Variants in PTPN23 observed in about 807,000 individuals in gnomAD.
The protein encoded by PTPN23 is tyrosine-protein phosphatase non-receptor type 23.
PTPN23 carries 72 observed loss-of-function variants against 156.3 expected under a neutral mutation model. The ratio of observed to expected loss-of-function variants is 0.46; its 90% CI spans 0.38 to 0.56. The LOEUF (loss-of-function observed/expected upper bound fraction) is 0.56. Among genes scored for constraint, PTPN23 ranks in the 20% least tolerant of loss-of-function variants. The pLI is 0.00. For synonymous variants in PTPN23, 957 were observed against 899.6 expected (o/e 1.06, Z -1.14); for missense variants, 1,974 against 2,171.5 (o/e 0.91, Z 1.81).
Position 47,409,530 on chromosome 3 carries a change from C to G in PTPN23, c.1911C>G (p.Tyr637Ter). ...LCALTEANVQ[Y>*]AAVRRVLSDL... ...CACTGACAGAGGCCAACGTGCAGTA[C>G]GCAGCCGTGCGGCGGGTACTCAGCG... is the stretch of plus-strand genomic sequence containing the variant. The change falls in exon 18 of 25, where the codon TAC (tyrosine) becomes TAG (stop). Residue 637 changes from tyrosine (Y) to a stop codon, truncating the protein, a stop_gained. Transcript: ENST00000265562. LOFTEE classifies it high-confidence loss of function. 1 of 1,614,024 alleles carries G rather than the reference C, an allele frequency of 6.2e-7. No individual in the cohort carries two copies.
At position 47,410,355 on chromosome 3, in the gene PTPN23, C is replaced by CCGGCCCCACCAGTTGCAGGTCTCCCCT. The variant is rs779096974; in HGVS notation, c.2568_2594dup (p.Val857_Pro865dup). On this transcript the variant is annotated inframe_insertion, in exon 20 of 25. Coordinates refer to ENST00000265562, the MANE Select transcript of PTPN23 (RefSeq NM_015466.4). ...GAGCAGTCCCTATGTGGGGGTAGGG[C>CCGGCCCCACCAGTTGCAGGTCTCCCCT]CGGCCCCACCAGTTGCAGGTCTCCC... The CCGGCCCCACCAGTTGCAGGTCTCCCCT allele has an allele frequency of 3.1e-6, 5 of 1,608,232 alleles. No homozygotes were observed. The highest frequency in any genetic ancestry group is 3.4e-5 in the Admixed American group (2 of 59,364).
chr3:47,405,714 C>T lies in PTPN23; in HGVS notation c.365-35C>T. ...CTCACCTTCACATGGGTGTGAGCAG[C>T]CCCAGGCCCCTAACACTGTCCCCTC... On this transcript the variant is annotated intron_variant, in intron 4 of 24. Transcript: ENST00000265562. The surrounding 1 kb of genome is among the most constrained non-coding windows in gnomAD (Gnocchi z 4.7). 1 of 1,587,530 alleles carries T rather than the reference C, an allele frequency of 6.3e-7. No homozygotes were observed. The highest frequency in any genetic ancestry group is 8.6e-7 in the Non-Finnish European group (1 of 1,166,746).
chr3:47,382,549 G>T (rs1704565896), intron 1 of PTPN23, among the ~76,000 whole-genome samples: 1 of 151,826 alleles, frequency 6.6e-6, no homozygotes. Context: ...TCGAACTCCT[G>T]ACATCAGGTG....
chr3:47,410,054 G>A lies in PTPN23; in HGVS notation c.2256G>A (p.Met752Ile), dbSNP rs1177118675. 1 of 1,611,450 alleles carries A rather than the reference G, an allele frequency of 6.2e-7. No homozygotes were observed. The highest frequency in any genetic ancestry group is 8.5e-7 in the Non-Finnish European group (1 of 1,179,070). The change falls in exon 20 of 25, where the codon ATG (methionine) becomes ATA (isoleucine). Residue 752 changes from methionine to isoleucine, a missense_variant. By Grantham distance (10) the Met-to-Ile change is conservative (BLOSUM62 1). This residue lies in a region of PTPN23 where 731 missense variants were observed against 669.1 expected (regional missense o/e 1.09). Coordinates refer to ENST00000265562, the MANE Select transcript of PTPN23 (RefSeq NM_015466.4). ...PEELRSLPPD[M>I]VAGPRLPDTF... ...AGCTGCGCAGCCTCCCCCCTGACAT[G>A]GTGGCTGGCCCACGACTGCCTGACA...
intron 2 of PTPN23, among the ~76,000 whole-genome samples, chr3:47,398,615 G>A (rs1704928906): frequency 6.6e-6 from 1 of 151,352 alleles, no homozygotes; most frequent in Non-Finnish European, 1.5e-5. Flanking sequence ...GTCCAGGCAG[G>A]AGTGCAGTGG....
Position 47,381,281 on chromosome 3 carries a change from C to A in PTPN23, c.84+101C>A. The stretch of plus-strand genomic sequence containing the variant: ...CGCCCATCACCTCCTCAGGCCCGGT[C>A]GCAGGGTCCGGTGAGGCCAGGAGGG... On this transcript the variant is annotated intron_variant, in intron 1 of 24. Coordinates refer to ENST00000265562, the MANE Select transcript of PTPN23 (RefSeq NM_015466.4). 6 of 1,485,538 alleles carry A rather than the reference C, an allele frequency of 4.0e-6. No homozygotes were observed. In the South Asian group the frequency reaches 5.1e-5, roughly 13 times the overall value. The allele number at this position is 1,485,538 out of a possible 1,614,324, so 92.0% of individuals were successfully genotyped here. A position where few individuals can be genotyped will look rare whatever the true frequency, so the allele number is the denominator to read the frequency against.
chr3:47,396,290 T>A, intron 2 of PTPN23, 73 bp downstream of exon 2: 1 of 1,310,134 alleles, frequency 7.6e-7, no homozygotes, highest in Non-Finnish European at 1.1e-6. Flanking sequence ...AGAAACTGCC[T>A]AGGCTGGGCA....
chr3:47,401,736 A>G (rs1193273779), intron 2 of PTPN23, among the ~76,000 whole-genome samples: 1 of 152,152 alleles, frequency 6.6e-6, no homozygotes, highest in East Asian at 1.9e-4. Flanking sequence ...GCATTGGCCT[A>G]ATGCTGTGAG....
Position 47,409,506 on chromosome 3 carries a change from A to G in PTPN23, c.1887A>G (p.Ala629=). 1 of 1,614,094 alleles carries G rather than the reference A, an allele frequency of 6.2e-7. No homozygotes were observed. The change falls in exon 18 of 25, where the codon GCA becomes GCG. Residue 629 remains alanine, a synonymous_variant. Coordinates refer to ENST00000265562, the MANE Select transcript of PTPN23 (RefSeq NM_015466.4). ...CCGCCCAGGACCGTGTCCTCTGTGC[A>G]CTGACAGAGGCCAACGTGCAGTACG... ...NLAAQDRVLC[A]LTEANVQYAA...
chr3:47,406,280 G>A lies in PTPN23; in HGVS notation c.547-45G>A. 1 of 1,604,300 alleles carries A rather than the reference G, an allele frequency of 6.2e-7. No individual in the cohort carries two copies. Among genetic ancestry groups the A allele is most frequent in the Non-Finnish European group, 8.5e-7 (1 of 1,172,952 alleles). ...GAAGGATAAAGGGAAGGGGAAGCGG[G>A]AGGCCTTGGGTGAGCGAGGGAGTGC... On this transcript the variant is annotated intron_variant, in intron 6 of 24. Coordinates refer to ENST00000265562, the MANE Select transcript of PTPN23 (RefSeq NM_015466.4). The surrounding 1 kb of genome is among the most constrained non-coding windows in gnomAD (Gnocchi z 5.8).
At position 47,411,185 on chromosome 3, in the gene PTPN23, C is replaced by A; in HGVS notation, c.3387C>A (p.Gly1129=). ...LLSSSPESQH[G]GTQSPGGGQP... ...CCTCCAGCCCGGAGAGCCAGCATGG[C>A]GGCACTCAGTCTCCTGGGGGTGGGC... Residue 1129 remains glycine, a synonymous_variant, in exon 20 of 25, where the codon GGC becomes GGA. Transcript: ENST00000265562. This position sits in a 1 kb window ranked among gnomAD's most constrained non-coding sequence, Gnocchi z 6.3. 1 of 1,602,730 alleles carries A rather than the reference C, an allele frequency of 6.2e-7. No homozygotes were observed.
rs149421994 is a variant in PTPN23 at position 47,409,300 on chromosome 3, G to C, written c.1780G>C (p.Asp594His). Residue 594 changes from aspartate (D) to histidine (H), a missense_variant, in exon 17 of 25, where the codon GAC (aspartate) becomes CAC (histidine). Transcript: ENST00000265562. ...CATCACTGCCTCGCTGGTCACCACAGACCACTCAGAGATGAAGGTGGGCTG... is the reference window on the plus strand; with the variant it reads ...CATCACTGCCTCGCTGGTCACCACACACCACTCAGAGATGAAGGTGGGCTG... ...DDITASLVTT[D>H]HSEMKKLFEE... 4 of 1,613,950 alleles carry C rather than the reference G, an allele frequency of 2.5e-6. No individual in the cohort carries two copies. In the African/African-American group the frequency reaches 5.3e-5, roughly 22 times the overall value.
At chr3:47,391,706 G>A (rs1247477899) in intron 1 of PTPN23, among the ~76,000 whole-genome samples, 1 of 152,122 alleles carries the variant, frequency 6.6e-6, no homozygotes, top group African/African-American at 2.4e-5. Context: ...GGATGTAGGA[G>A]TCTCCTGTCC....
At position 47,413,271 on chromosome 3, in the gene PTPN23, A is replaced by G; in HGVS notation, c.*86A>G. The G allele has an allele frequency of 6.7e-7, 1 of 1,503,474 alleles. No individual in the cohort carries two copies. The highest frequency in any genetic ancestry group is 2.3e-5 in the East Asian group (1 of 43,972). 93.1% of individuals were successfully genotyped at this position (1,503,474 alleles called of 1,614,324 possible). On this transcript the variant is annotated 3_prime_UTR_variant, in exon 25 of 25. Coordinates refer to ENST00000265562, the MANE Select transcript of PTPN23 (RefSeq NM_015466.4). ...CACCCAGCAGAGCTTCTCAGTGGGCACAGTCTCTTACTCCCATTTCTGCTG... is the reference window on the plus strand; with the variant it reads ...CACCCAGCAGAGCTTCTCAGTGGGCGCAGTCTCTTACTCCCATTTCTGCTG...
chr3:47,405,762 C>A lies in PTPN23; in HGVS notation c.378C>A (p.Ser126=). 6.3e-7 allele frequency: 1 copy of A among 1,597,318 alleles called. No individual in the cohort carries two copies. The highest frequency in any genetic ancestry group is 8.5e-7 in the Non-Finnish European group (1 of 1,172,592). ...CILYNLGALH[S]MLGAMDKRVS... is the part of the protein sequence containing the mutation. ...CTCCCTCCCCAGGAGCGCTGCACTC[C>A]ATGCTGGGGGCCATGGACAAGCGGG... is the stretch of plus-strand genomic sequence containing the variant. Residue 126 remains serine (S), a synonymous_variant, in exon 5 of 25, where the codon TCC becomes TCA. Coordinates refer to ENST00000265562, the MANE Select transcript of PTPN23 (RefSeq NM_015466.4). The surrounding 1 kb of genome is among the most constrained non-coding windows in gnomAD (Gnocchi z 4.7).
intron 2 of PTPN23, among the ~76,000 whole-genome samples, chr3:47,397,273 A>G (rs1309382851): frequency 1.3e-5 from 2 of 152,250 alleles, no homozygotes; most frequent in Non-Finnish European, 1.5e-5. Context: ...AGAGTCATGA[A>G]ATGAGCACAT....
intron 1 of PTPN23, among the ~76,000 whole-genome samples, chr3:47,388,048 T>G (rs932383054): frequency 2.0e-5 from 3 of 152,208 alleles, no homozygotes; most frequent in Non-Finnish European, 4.4e-5. Flanking sequence ...GAATCAGACC[T>G]TGGTTTAGGT....
chr3:47,396,024 A>T, intron 1 of PTPN23, 119 bp from the exon 2 acceptor site: 1 of 691,656 alleles, frequency 1.4e-6, no homozygotes, highest in Non-Finnish European at 2.4e-6. Context: ...GGTCCAGGAG[A>T]CACGCTTATG....
At chr3:47,389,439 CT>C (rs1704722682) in intron 1 of PTPN23, among the ~76,000 whole-genome samples, 1 of 151,988 alleles carries the variant, frequency 6.6e-6, no homozygotes, top group African/African-American at 2.4e-5. Context: ...AGCAAGACCC[CT>C]GTCTCTACAA....
Sources: gnomAD v4.1 joint callset for allele counts (sites outside exome capture counted in the v4.1 genomes callset) on GRCh38, gnomAD v4.1.1 for gene constraint, gnomAD v4.1.1 regional missense constraint, Gnocchi (gnomAD v3.1) non-coding constraint, MANE v1.5 for transcripts, NCBI Gene and HGNC (gene_info 2026-07-23, HGNC 2026-07-21) for gene names.